The following FAM149B1 variants were observed in gnomAD, a reference collection of about 807,000 sequenced individuals.
FAM149B1 encodes family with sequence similarity 149 member B1.
In FAM149B1, 56 loss-of-function variants were observed where a neutral mutation model predicts 75.3. The observed-to-expected ratio is 0.74, with a 90% CI of 0.60 to 0.93. FAM149B1 has a LOEUF of 0.93. FAM149B1 is among the 40% of genes least tolerant of loss of function. The pLI is 0.00. For missense variants in FAM149B1, 639 were observed against 708.4 expected (o/e 0.90, Z 1.11); for synonymous variants, 259 against 256.1 (o/e 1.01, Z -0.11).
Position 73,234,877 on chromosome 10 carries a change from G to A in FAM149B1, c.1413G>A (p.Leu471=). 1 of 1,551,862 alleles carries A rather than the reference G, an allele frequency of 6.4e-7. No homozygotes were observed. The highest frequency in any genetic ancestry group is 8.7e-7 in the Non-Finnish European group (1 of 1,147,026). ...PSPTPLSRNN[L]LPPIGTAEVE... ...CGACGCCCCTGAGTCGAAATAATCT[G>A]CTACCACCTATTGGCACAGCTGAAG... Residue 471 remains leucine (L), a synonymous_variant, in exon 11 of 14, where the codon CTG becomes CTA. Coordinates refer to ENST00000242505, the MANE Select transcript of FAM149B1 (RefSeq NM_173348.2).
chr10:73,231,412 C>T (rs1202799314), intron 9 of FAM149B1: 2 of 152,122 alleles, frequency 1.3e-5, no homozygotes, highest in Non-Finnish European at 2.9e-5. Context: ...CATACGATTT[C>T]CCAAAGGAGT....
At chr10:73,221,299 A>T (rs183904619) in intron 7 of FAM149B1, among the ~76,000 whole-genome samples, 2,133 of 152,334 alleles carry the variant, frequency 0.014, 126 homozygotes, top group Admixed American at 0.11. Context: ...AAAAATTTTT[A>T]AAATTCTTTC....
At chr10:73,214,858 T>A (rs967370830) in intron 7 of FAM149B1, among the ~76,000 whole-genome samples, 1 of 152,212 alleles carries the variant, frequency 6.6e-6, no homozygotes, top group Admixed American at 6.5e-5. Flanking sequence ...TTTGGAGTAG[T>A]TTCAGGAGGA....
At position 73,243,382 on chromosome 10, in the gene FAM149B1, T is replaced by C. The variant is rs1432984435; in HGVS notation, c.*2363T>C. 6.8e-6 allele frequency: 11 copies of C among 1,612,552 alleles called. No individual in the cohort carries two copies. The East Asian group carries it at 1.6e-4, about 23-fold the overall frequency. On this transcript the variant is annotated 3_prime_UTR_variant, in exon 14 of 14. Transcript: ENST00000242505. ...GGCATCAATTTACACCTAAGGACCTTTGAAGAGAAAAATTCCATTATTTCT... is the reference window on the plus strand; with the variant it reads ...GGCATCAATTTACACCTAAGGACCTCTGAAGAGAAAAATTCCATTATTTCT...
rs1374110918 is a variant in FAM149B1, at chr10:73,168,297, C to G, written c.-43C>G. On this transcript the variant is annotated 5_prime_UTR_variant, in exon 1 of 14. Coordinates refer to ENST00000242505, the MANE Select transcript of FAM149B1 (RefSeq NM_173348.2). The stretch of plus-strand genomic sequence containing the variant: ...AGGCCCCCACCCTGGCGTGCCTGCC[C>G]CGGCCGCGGCTGAGGAGGAGGAGGA... 3 of 1,545,396 alleles carry G rather than the reference C, an allele frequency of 1.9e-6. No individual in the cohort carries two copies. The highest frequency in any genetic ancestry group is 8.7e-7 in the Non-Finnish European group (1 of 1,145,338).
At chr10:73,171,416 G>A (rs542825546) in intron 1 of FAM149B1, among the ~76,000 whole-genome samples, 3 of 152,144 alleles carry the variant, frequency 2.0e-5, no homozygotes, top group East Asian at 3.9e-4. Flanking sequence ...CTTTGAAGCC[G>A]TAACTTTAGT....
intron 3 of FAM149B1, among the ~76,000 whole-genome samples, chr10:73,188,756 GGGAAGGAAGGAAGGAAGGAAGGAAGGAA>G (rs71021548): frequency 4.6e-5 from 6 of 129,494 alleles, no homozygotes; most frequent in African/African-American, 1.5e-4. Flanking sequence ...GAAGGAAGGA[GGGAAGGAAGGAAGGAAGGAAGGAAGGAA>G]GGAAGGAAGG....
At position 73,243,471 on chromosome 10, in the gene FAM149B1, T is replaced by C. The variant is rs767031549; in HGVS notation, c.*2452T>C. On this transcript the variant is annotated 3_prime_UTR_variant, in exon 14 of 14. Transcript: ENST00000242505. ...GAAGATTTGCAGTACTTTGCTTCCATCTGAGCCAGAAAATTGTCCATTTCC... is the reference window on the plus strand; with the variant it reads ...GAAGATTTGCAGTACTTTGCTTCCACCTGAGCCAGAAAATTGTCCATTTCC... The C allele has an allele frequency of 3.1e-6, 5 of 1,614,174 alleles. No individual in the cohort carries two copies. The South Asian group carries it at 4.4e-5, about 14-fold the overall frequency.
intron 10 of FAM149B1, chr10:73,234,490 A>G (rs2043778511): frequency 7.3e-6 from 2 of 274,724 alleles, no homozygotes; most frequent in East Asian, 1.8e-4. Flanking sequence ...CAAGAATTCC[A>G]TCATCAGCTG....
intron 1 of FAM149B1, chr10:73,168,767 C>T (rs938326944): frequency 5.2e-6 from 1 of 193,508 alleles, no homozygotes; most frequent in Non-Finnish European, 1.1e-5. Context: ...TCAATGATAT[C>T]AGATTGGGAA....
At chr10:73,168,407 C>A in intron 1 of FAM149B1, 21 bp downstream of exon 1, 1 of 1,548,870 alleles carries the variant, frequency 6.5e-7, no homozygotes, top group Non-Finnish European at 8.7e-7. Flanking sequence ...TGCTCAGCCA[C>A]CCCAGCCGGG....
chr10:73,208,425 A>G (rs2043115397), intron 5 of FAM149B1, among the ~76,000 whole-genome samples, 194 bp from the exon 6 acceptor site: 1 of 152,244 alleles, frequency 6.6e-6, no homozygotes, highest in Non-Finnish European at 1.5e-5. Flanking sequence ...TCCATAGTAC[A>G]TGTAGGCAGA....
Position 73,177,930 on chromosome 10 carries a change from A to T in FAM149B1, c.237A>T (p.Ala79=). Residue 79 remains alanine (A), a synonymous_variant, in exon 3 of 14, where the codon GCA becomes GCT. Coordinates refer to ENST00000242505, the MANE Select transcript of FAM149B1 (RefSeq NM_173348.2). ...SLSAFPSYTG[A]GISTEGSSDF... ...CTGCTTTTCCAAGTTATACAGGCGCAGGGATATCTACTGAAGGAAGCTCGG... is the reference window on the plus strand; with the variant it reads ...CTGCTTTTCCAAGTTATACAGGCGCTGGGATATCTACTGAAGGAAGCTCGG... The T allele has an allele frequency of 1.9e-6, 3 of 1,551,662 alleles. No individual in the cohort carries two copies. Among genetic ancestry groups the T allele is most frequent in the Non-Finnish European group, 2.6e-6 (3 of 1,146,924 alleles).
chr10:73,227,302 T>C (rs1377580133), intron 7 of FAM149B1, among the ~76,000 whole-genome samples: 3 of 152,180 alleles, frequency 2.0e-5, no homozygotes, highest in Non-Finnish European at 2.9e-5. Context: ...TTGCCCAAGC[T>C]GGTCTTGAAC....
intron 7 of FAM149B1, among the ~76,000 whole-genome samples, chr10:73,210,721 A>G (rs532737570): frequency 6.6e-6 from 1 of 152,044 alleles, no homozygotes; most frequent in East Asian, 1.9e-4. Flanking sequence ...TACGCAAGAG[A>G]CTGAGGTGGG....
At chr10:73,240,842 G>C (rs1267668426) in intron 13 of FAM149B1, 104 bp from the exon 14 acceptor site, 4 of 703,632 alleles carry the variant, frequency 5.7e-6, no homozygotes, top group Non-Finnish European at 1.0e-5. Context: ...CATACCTTAA[G>C]AAAGTCCAAT....
At chr10:73,212,851 CTCTCTCTCTGTGTT>C (rs1375019167) in intron 7 of FAM149B1, among the ~76,000 whole-genome samples, 1 of 146,622 alleles carries the variant, frequency 6.8e-6, no homozygotes, top group South Asian at 2.3e-4. Context: ...CTCACTCTCT[CTCTCTCTCTGTGTT>C]TCTCTCTCTC....
Position 73,235,239 on chromosome 10 carries a change from A to T in FAM149B1, c.1523A>T (p.Glu508Val). The part of the protein sequence containing the change: ...SSRAQSAVVD[E>V]PNYQQPQERL... ...CGAGCTCAAAGTGCGGTGGTGGATG[A>T]ACCTAACTATCAGCAGCCACAAGAA... Residue 508 changes from glutamate to valine, a missense_variant, in exon 12 of 14, where the codon GAA becomes GTA. Transcript: ENST00000242505. The T allele has an allele frequency of 6.4e-7, 1 of 1,551,782 alleles. No individual in the cohort carries two copies. The highest frequency in any genetic ancestry group is 8.7e-7 in the Non-Finnish European group (1 of 1,146,982).
At chr10:73,183,724 A>C (rs1289458352) in intron 3 of FAM149B1, 4 of 152,238 alleles carry the variant, frequency 2.6e-5, no homozygotes. Flanking sequence ...GCAAATTGAC[A>C]AAAAGCATAT....
Sources: gnomAD v4.1 joint callset for allele counts (sites outside exome capture counted in the v4.1 genomes callset) on GRCh38, gnomAD v4.1.1 for gene constraint, MANE v1.5 for transcripts, NCBI Gene and HGNC (gene_info 2026-07-23, HGNC 2026-07-21) for gene names.